The following TRPM3 variants were observed in gnomAD, a reference collection of about 807,000 sequenced individuals.
TRPM3 encodes the protein long transient receptor potential channel 3.
In TRPM3, 77 loss-of-function variants were observed where a neutral mutation model predicts 181.2. The ratio of observed to expected loss-of-function variants is 0.42; its 90% CI spans 0.35 to 0.51. TRPM3 has a LOEUF of 0.51. Ranked by LOEUF, TRPM3 falls within the 20% of genes least tolerant of loss-of-function variation. The pLI, the probability that TRPM3 is intolerant of heterozygous loss-of-function variation, is 0.01. For missense variants in TRPM3, 1,759 were observed against 2,196.7 expected (o/e 0.80, Z 3.98); for synonymous variants, 745 against 796.4 (o/e 0.94, Z 1.09).
intron 1 of TRPM3, among the ~76,000 whole-genome samples, chr9:70,994,185 C>A (rs991712585): frequency 6.6e-6 from 1 of 152,124 alleles, no homozygotes; most frequent in African/African-American, 2.4e-5. Context: ...GAACAAGATA[C>A]CTAATCTCAA....
At chr9:71,293,335 TAAAG>T (rs1421564260) in intron 1 of TRPM3, among the ~76,000 whole-genome samples, 1 of 151,826 alleles carries the variant, frequency 6.6e-6, no homozygotes, top group East Asian at 1.9e-4. Context: ...GGCTTGTAAA[TAAAG>T]AAATAAAACA....
At chr9:71,385,989 G>A (rs1401226447) in intron 1 of TRPM3, among the ~76,000 whole-genome samples, 5 of 152,004 alleles carry the variant, frequency 3.3e-5, no homozygotes, top group Admixed American at 1.3e-4. Flanking sequence ...TTACAGGCGT[G>A]AGCCACCACA....
chr9:71,218,417 C>A (rs2080031291), intron 1 of TRPM3, among the ~76,000 whole-genome samples: 1 of 152,146 alleles, frequency 6.6e-6, no homozygotes, highest in African/African-American at 2.4e-5. Context: ...TAAATTAAAG[C>A]ATGGTATGAT....
At chr9:70,644,596 A>G (rs1381388775) in intron 9 of TRPM3, among the ~76,000 whole-genome samples, 2 of 152,216 alleles carry the variant, frequency 1.3e-5, no homozygotes, top group Non-Finnish European at 2.9e-5. Flanking sequence ...CCCACAGCCA[A>G]TATCATACTG....
At chr9:71,137,528 C>T (rs2074843178) in intron 1 of TRPM3, among the ~76,000 whole-genome samples, 2 of 152,194 alleles carry the variant, frequency 1.3e-5, no homozygotes, top group African/African-American at 2.4e-5. Context: ...ATTGTGTCAA[C>T]ATAAACTCTG....
chr9:70,800,264 A>G (rs1328945669), intron 6 of TRPM3, among the ~76,000 whole-genome samples: 1 of 152,228 alleles, frequency 6.6e-6, no homozygotes, highest in Admixed American at 6.5e-5. Context: ...TGGATGATTT[A>G]ATGTAATGAA....
chr9:70,828,065 C>A, intron 5 of TRPM3, 47 bp from the exon 6 acceptor site: 1 of 1,558,844 alleles, frequency 6.4e-7, no homozygotes. Flanking sequence ...AAAAAGAACA[C>A]AAGATATGAA....
rs2041313814 is a variant in TRPM3, at chr9:70,534,386, A to G, written c.*1567T>C. ...TAATTTCAACATTTGGTCTAATAGT[A>G]TAATGAACTCTTTCAATGGAACTTC... On this transcript the variant is annotated 3_prime_UTR_variant, in exon 26 of 26. Coordinates refer to ENST00000677713, the MANE Select transcript of TRPM3 (RefSeq NM_001366145.2). The G allele has an allele frequency of 6.6e-6, 1 of 152,246 alleles. No individual in the cohort carries two copies. The highest frequency in any genetic ancestry group is 1.5e-5 in the Non-Finnish European group (1 of 68,044). 9.4% of individuals were successfully genotyped at this position (152,246 alleles called of 1,614,324 possible).
intron 11 of TRPM3, among the ~76,000 whole-genome samples, chr9:70,636,286 TAAA>T (rs77492938): frequency 7.5e-6 from 1 of 133,322 alleles, no homozygotes; most frequent in African/African-American, 2.7e-5. Context: ...ATTAAAAATG[TAAA>T]AAAAAAAAAA....
chr9:70,808,180 C>G (rs372990723), intron 6 of TRPM3, among the ~76,000 whole-genome samples: 1 of 152,154 alleles, frequency 6.6e-6, no homozygotes, highest in African/African-American at 2.4e-5. Context: ...TGCTAGGAAC[C>G]TATTGTATCT....
chr9:71,292,787 A>C (rs1327755864), intron 1 of TRPM3, among the ~76,000 whole-genome samples: 1 of 151,826 alleles, frequency 6.6e-6, no homozygotes, highest in African/African-American at 2.4e-5. Flanking sequence ...ACTTCTACAA[A>C]TTTTTTACAA....
intron 1 of TRPM3, among the ~76,000 whole-genome samples, chr9:71,081,422 C>G (rs1204107701): frequency 6.6e-6 from 1 of 152,072 alleles, no homozygotes; most frequent in Non-Finnish European, 1.5e-5. Context: ...AGAGTGGCTC[C>G]CTTAGTAATT....
Position 70,569,302 on chromosome 9 carries a change from T to C in TRPM3, c.3224-15992A>G, listed in dbSNP as rs142672665. Among the ~76,000 whole-genome samples the C allele has an allele frequency of 2.9e-3, 449 of 152,328 alleles. 1 individual carries two copies. The highest frequency in any genetic ancestry group is 0.01 in the African/African-American group (423 of 41,580). Reference sequence around the variant, plus strand: ...AGCAGTCTGTTTAGGCATAGCTATGTGCACCTACCTTGACTGATAGCTTTA... The same window carrying C: ...AGCAGTCTGTTTAGGCATAGCTATGCGCACCTACCTTGACTGATAGCTTTA... On this transcript the variant is annotated intron_variant, in intron 22 of 25. Transcript: ENST00000677713.
chr9:70,902,851 C>A (rs569790892), intron 1 of TRPM3, among the ~76,000 whole-genome samples: 1 of 152,280 alleles, frequency 6.6e-6, no homozygotes, highest in African/African-American at 2.4e-5. Flanking sequence ...TTAGAATAAG[C>A]CACAGAACGT....
intron 4 of TRPM3, among the ~76,000 whole-genome samples, chr9:70,844,807 T>C (rs1341755835): frequency 3.9e-5 from 6 of 152,230 alleles, no homozygotes; most frequent in Admixed American, 3.9e-4. Flanking sequence ...TATTCCAAGT[T>C]CTTAGAAATA....
At chr9:70,865,162 CCA>C (rs1259666853) in intron 1 of TRPM3, among the ~76,000 whole-genome samples, 1 of 151,970 alleles carries the variant, frequency 6.6e-6, no homozygotes, top group Non-Finnish European at 1.5e-5. Flanking sequence ...CTTGTGCGCC[CCA>C]CACGCCCTTC....
intron 1 of TRPM3, among the ~76,000 whole-genome samples, chr9:71,215,704 C>T (rs2079821857): frequency 6.6e-6 from 1 of 152,214 alleles, no homozygotes; most frequent in South Asian, 2.1e-4. Flanking sequence ...CCAGAGAACT[C>T]AGTTCCACTT....
intron 5 of TRPM3, among the ~76,000 whole-genome samples, chr9:70,841,511 A>C (rs2094623170): frequency 6.6e-6 from 1 of 150,420 alleles, no homozygotes; most frequent in African/African-American, 2.4e-5. Context: ...ATCATTATAT[A>C]AAAAAGACAC....
At chr9:71,256,151 T>G (rs1186601435) in intron 1 of TRPM3, among the ~76,000 whole-genome samples, 2 of 152,196 alleles carry the variant, frequency 1.3e-5, no homozygotes, top group Non-Finnish European at 2.9e-5. Context: ...TTACAAATGC[T>G]CAACATTTGA....
Sources: allele counts gnomAD v4.1 joint callset (sites outside exome capture counted in the v4.1 genomes callset), GRCh38; gene constraint gnomAD v4.1.1; transcripts MANE v1.5; gene names NCBI Gene and HGNC (gene_info 2026-07-23, HGNC 2026-07-21).